The following GPT2 variants were observed in gnomAD, a reference collection of about 807,000 sequenced individuals.
GPT2 encodes glutamic--pyruvic transaminase 2.
In GPT2, 30 loss-of-function variants were observed where a neutral mutation model predicts 56.9. That is an observed-to-expected ratio of 0.53 (90% CI 0.39 to 0.72). The LOEUF is 0.72. Among genes scored for constraint, GPT2 ranks in the 30% least tolerant of loss-of-function variants. The probability of loss-of-function intolerance (pLI) is 0.00; values close to 1 mark genes in which losing one functional copy is unlikely to be tolerated. For synonymous variants in GPT2, 271 were observed against 283.1 expected (o/e 0.96, Z 0.43); for missense variants, 542 against 703.4 (o/e 0.77, Z 2.60).
chr16:46,908,953 C>G (rs1035203494), intron 5 of GPT2, among the ~76,000 whole-genome samples: 5 of 152,232 alleles, frequency 3.3e-5, no homozygotes, highest in African/African-American at 1.2e-4. Context: ...CAATGAATTA[C>G]TGGCACATCC....
At chr16:46,927,689 C>T (rs557290417) in intron 11 of GPT2, among the ~76,000 whole-genome samples, 33 of 152,190 alleles carry the variant, frequency 2.2e-4, no homozygotes, top group East Asian at 2.1e-3. Context: ...TGTTAGCACC[C>T]GGAGCCAAGT....
chr16:46,910,175 A>G (rs898000958), intron 6 of GPT2, among the ~76,000 whole-genome samples: 2 of 151,914 alleles, frequency 1.3e-5, no homozygotes, highest in African/African-American at 4.8e-5. Flanking sequence ...GAGGTCAGAA[A>G]TTGGAGACCA....
chr16:46,884,764 C>A lies in GPT2; in HGVS notation c.49C>A (p.Pro17Thr). 1.3e-6 allele frequency: 2 copies of A among 1,482,310 alleles called. No individual in the cohort carries two copies. Among genetic ancestry groups the A allele is most frequent in the South Asian group, 2.7e-5 (2 of 73,270 alleles). 91.8% of individuals were successfully genotyped at this position (1,482,310 alleles called of 1,614,324 possible). Residue 17 changes from proline to threonine, a missense_variant, in exon 2 of 12, where the codon CCC (proline) becomes ACC (threonine). Physicochemically the swap from Pro to Thr is conservative, Grantham distance 38. Coordinates refer to ENST00000340124, the MANE Select transcript of GPT2 (RefSeq NM_133443.4). ...LVRRGCGPRT[P>T]SSWGRSQSSA... ...CCGGCGGGGCTGTGGTCCCCGGACC[C>A]CCAGCTCCTGGGGCCGCAGCCAGAG... is the stretch of plus-strand genomic sequence containing the variant.
At chr16:46,928,603 C>G (rs569397650) in intron 11 of GPT2, among the ~76,000 whole-genome samples, 25 of 141,906 alleles carry the variant, frequency 1.8e-4, no homozygotes, top group African/African-American at 6.1e-4. Context: ...GCAACAAGAG[C>G]AAAATTCCAT....
chr16:46,886,644 AAC>A (rs1487837179), intron 2 of GPT2, among the ~76,000 whole-genome samples: 5 of 152,270 alleles, frequency 3.3e-5, no homozygotes, highest in African/African-American at 1.2e-4. Context: ...GCTGTAGTGG[AAC>A]ACTAACAGAG....
At chr16:46,898,936 A>G (rs1567335012) in intron 3 of GPT2, among the ~76,000 whole-genome samples, 1 of 130,918 alleles carries the variant, frequency 7.6e-6, no homozygotes, top group Non-Finnish European at 1.6e-5. Context: ...ATGTGTATAT[A>G]TATACACACA....
intron 6 of GPT2, 94 bp from the exon 7 acceptor site, chr16:46,916,534 A>C (rs1961169609): frequency 1.1e-6 from 1 of 912,772 alleles, no homozygotes; most frequent in East Asian, 2.4e-5. Flanking sequence ...TCAAGGGAAC[A>C]CAGGGCACTG....
intron 5 of GPT2, among the ~76,000 whole-genome samples, chr16:46,908,944 A>G (rs568736136): frequency 2.0e-5 from 3 of 152,328 alleles, no homozygotes; most frequent in South Asian, 4.1e-4. Context: ...TAATTAATTC[A>G]ATGAATTACT....
At chr16:46,904,372 C>T (rs1359953516) in intron 4 of GPT2, among the ~76,000 whole-genome samples, 1 of 152,208 alleles carries the variant, frequency 6.6e-6, no homozygotes, top group Non-Finnish European at 1.5e-5. Flanking sequence ...GATCGTGCCG[C>T]TGCACACCAG....
At chr16:46,906,570 G>A (rs1960930569) in intron 4 of GPT2, among the ~76,000 whole-genome samples, 1 of 152,196 alleles carries the variant, frequency 6.6e-6, no homozygotes, top group South Asian at 2.1e-4. Context: ...GTAACGCATA[G>A]TAGGTACTCA....
intron 2 of GPT2, among the ~76,000 whole-genome samples, chr16:46,896,708 C>T (rs1463928135): frequency 6.6e-6 from 1 of 152,142 alleles, no homozygotes; most frequent in South Asian, 2.1e-4. Flanking sequence ...CACATCTGGC[C>T]CGGAGCTGCC....
chr16:46,887,394 G>A (rs1275721258), intron 2 of GPT2, among the ~76,000 whole-genome samples: 2 of 152,196 alleles, frequency 1.3e-5, no homozygotes, highest in African/African-American at 4.8e-5. Flanking sequence ...CTTGAACCCG[G>A]AAGGTGGAGG....
chr16:46,900,757 C>T lies in GPT2; in HGVS notation c.409C>T (p.Arg137Trp), dbSNP rs768172166. Residue 137 changes from arginine to tryptophan, a missense_variant, in exon 4 of 12, where the codon CGG becomes TGG. Coordinates refer to ENST00000340124, the MANE Select transcript of GPT2 (RefSeq NM_133443.4). ...FPEDAKKRAR[R>W]ILQACGGNSL... ...AGAAGATGCTAAGAAACGTGCCCGG[C>T]GGATCCTGCAGGCTTGTGGCGGGAA... 1.9e-5 allele frequency: 31 copies of T among 1,613,970 alleles called. No homozygotes were observed. Among genetic ancestry groups the T allele is most frequent in the South Asian group, 5.5e-5 (5 of 91,086 alleles).
At chr16:46,916,483 C>T in intron 6 of GPT2, 145 bp from the exon 7 acceptor site, 1 of 694,252 alleles carries the variant, frequency 1.4e-6, no homozygotes, top group Non-Finnish European at 2.7e-6. Context: ...TGCATGGCAG[C>T]TGGGGAGGGG....
At chr16:46,902,222 T>TA (rs2143428093) in intron 4 of GPT2, among the ~76,000 whole-genome samples, 1 of 152,304 alleles carries the variant, frequency 6.6e-6, no homozygotes, top group East Asian at 1.9e-4. Flanking sequence ...CGTGGGGTAT[T>TA]ACAGCAAAAG....
At chr16:46,885,462 T>G in intron 2 of GPT2, 1 of 984,868 alleles carries the variant, frequency 1.0e-6, no homozygotes, top group South Asian at 4.7e-5. Context: ...GTCTTTGGCC[T>G]TTAGGGTCTT....
At chr16:46,896,060 T>A (rs557790889) in intron 2 of GPT2, among the ~76,000 whole-genome samples, 1 of 152,306 alleles carries the variant, frequency 6.6e-6, no homozygotes, top group South Asian at 2.1e-4. Context: ...TGAGCCCGTT[T>A]TTCCTCCCAC....
Position 46,930,801 on chromosome 16 carries a change from C to T in GPT2, c.*1804C>T, listed in dbSNP as rs565641190. 1 of 152,610 alleles carries T rather than the reference C, an allele frequency of 6.6e-6. No homozygotes were observed. The highest frequency in any genetic ancestry group is 1.5e-5 in the Non-Finnish European group (1 of 68,016). The allele number at this position is 152,610 out of a possible 1,614,324, so 9.5% of individuals were successfully genotyped here. A position where few individuals can be genotyped will look rare whatever the true frequency, so the allele number is the denominator to read the frequency against. The stretch of plus-strand genomic sequence containing the variant: ...ATAAATCTTCAGATTATAAACAGCC[C>T]CTAAAAACTTTACAACGTTTACACA... On this transcript the variant is annotated 3_prime_UTR_variant, in exon 12 of 12. Coordinates refer to ENST00000340124, the MANE Select transcript of GPT2 (RefSeq NM_133443.4).
intron 8 of GPT2, 142 bp downstream of exon 8, chr16:46,918,899 T>C: frequency 9.8e-7 from 1 of 1,020,758 alleles, no homozygotes; most frequent in Non-Finnish European, 1.4e-6. Flanking sequence ...ATCTCCCCAG[T>C]GGGAGAGCCG....
Sources: allele counts gnomAD v4.1 joint callset (sites outside exome capture counted in the v4.1 genomes callset), GRCh38; gene constraint gnomAD v4.1.1; transcripts MANE v1.5; gene names NCBI Gene and HGNC (gene_info 2026-07-23, HGNC 2026-07-21).